The following ZNF723 variants were observed in gnomAD, a reference collection of about 807,000 sequenced individuals.
ZNF723 encodes the protein zinc finger protein 723.
Under a neutral mutation model 9.4 loss-of-function variants are expected in ZNF723, and 5 were observed. That is an observed-to-expected ratio of 0.53 (90% confidence interval 0.28 to 1.12). The LOEUF (loss-of-function observed/expected upper bound fraction) is 1.12. Ranked by LOEUF, ZNF723 falls within the 50% of genes most tolerant of loss-of-function variation. The pLI, the probability that ZNF723 is intolerant of heterozygous loss-of-function variation, is 0.10. For synonymous variants in ZNF723, 158 were observed against 168.8 expected, an observed-to-expected ratio of 0.94 and a Z score of 0.49; for missense variants, 450 against 501.5, an observed-to-expected ratio of 0.90 and a Z score of 0.98.
upstream of ZNF723, among the ~76,000 whole-genome samples, chr19:22,831,923 T>A (rs1303971901): frequency 6.6e-6 from 1 of 151,448 alleles, no homozygotes; most frequent in African/African-American, 2.4e-5. Flanking sequence ...AAAAAAATAA[T>A]AAATAAATAA....
chr19:22,824,124 C>G, the ZNF723 span, among the ~76,000 whole-genome samples: 1 of 152,166 alleles, frequency 6.6e-6, no homozygotes, highest in Non-Finnish European at 1.5e-5. Flanking sequence ...ACTTCTTTTG[C>G]TAAGCCCTGC....
chr19:22,848,214 G>A (rs1281267814), intron 1 of ZNF723, 47 bp from the exon 2 acceptor site: 4 of 684,956 alleles, frequency 5.8e-6, no homozygotes, highest in South Asian at 3.1e-5. Context: ...TCTGCCGTTG[G>A]CCACCCGGTA....
chr19:22,834,778 G>T (rs983403307), intron 1 of ZNF723, among the ~76,000 whole-genome samples: 1 of 152,014 alleles, frequency 6.6e-6, no homozygotes, highest in Non-Finnish European at 1.5e-5. Flanking sequence ...TGCTGGTACT[G>T]AGAGCAAAAC....
intron 1 of ZNF723, chr19:22,840,325 C>T (rs1314127269): frequency 7.0e-6 from 1 of 142,746 alleles, no homozygotes; most frequent in African/African-American, 2.9e-5. Context: ...GCATGCGCCA[C>T]CATGCCTGGC....
intron 3 of ZNF723, among the ~76,000 whole-genome samples, chr19:22,851,059 G>GT (rs1009286310): frequency 6.6e-6 from 1 of 151,912 alleles, no homozygotes; most frequent in African/African-American, 2.4e-5. Context: ...TTTAAGTGTT[G>GT]TTTTTTCTAT....
At chr19:22,814,118 A>G in the ZNF723 span, among the ~76,000 whole-genome samples, 1 of 152,106 alleles carries the variant, frequency 6.6e-6, no homozygotes, top group Admixed American at 6.6e-5. Context: ...GGCCAGCAAA[A>G]CATTTTTAAA....
chr19:22,843,574 T>A (rs2145216468), intron 1 of ZNF723, among the ~76,000 whole-genome samples: 1 of 152,298 alleles, frequency 6.6e-6, no homozygotes, highest in African/African-American at 2.4e-5. Flanking sequence ...ATCCAGGAAC[T>A]TTTAGACTAG....
At chr19:22,838,196 C>T (rs1967191999) in intron 1 of ZNF723, among the ~76,000 whole-genome samples, 1 of 152,168 alleles carries the variant, frequency 6.6e-6, no homozygotes, top group South Asian at 2.1e-4. Flanking sequence ...CCCAGGTAGG[C>T]CTCAGTGTCT....
chr19:22,820,317 G>A, the ZNF723 span, among the ~76,000 whole-genome samples: 80 of 152,284 alleles, frequency 5.3e-4, no homozygotes, highest in African/African-American at 1.9e-3. Context: ...CTTGTTCACA[G>A]GGAGAATTGT....
At chr19:22,851,602 G>A (rs1038797297) in intron 3 of ZNF723, among the ~76,000 whole-genome samples, 2 of 152,148 alleles carry the variant, frequency 1.3e-5, no homozygotes, top group African/African-American at 4.8e-5. Flanking sequence ...CTGGTCTCAA[G>A]TGATCTGACT....
At chr19:22,816,594 C>G in the ZNF723 span, among the ~76,000 whole-genome samples, 1 of 152,236 alleles carries the variant, frequency 6.6e-6, no homozygotes, top group Non-Finnish European at 1.5e-5. Flanking sequence ...GTGACGTATA[C>G]CTCAGCCTAG....
chr19:22,818,802 G>A, the ZNF723 span, among the ~76,000 whole-genome samples: 1 of 152,016 alleles, frequency 6.6e-6, no homozygotes, highest in Admixed American at 6.6e-5. Context: ...GGGGCTTTGT[G>A]ATGTATCACT....
At chr19:22,842,318 G>A (rs1237394626) in intron 1 of ZNF723, among the ~76,000 whole-genome samples, 1 of 151,916 alleles carries the variant, frequency 6.6e-6, no homozygotes, top group Non-Finnish European at 1.5e-5. Context: ...TGAACTAAGA[G>A]TTTTTTTTAA....
At chr19:22,832,783 C>A (rs1002100929) in intron 1 of ZNF723, among the ~76,000 whole-genome samples, 3 of 152,086 alleles carry the variant, frequency 2.0e-5, no homozygotes, top group African/African-American at 7.2e-5. Flanking sequence ...TTATGGGAGT[C>A]ATCGCAAAAA....
At chr19:22,834,294 C>T (rs985409724) in intron 1 of ZNF723, among the ~76,000 whole-genome samples, 1 of 151,574 alleles carries the variant, frequency 6.6e-6, no homozygotes, top group Admixed American at 6.6e-5. Context: ...TAAAGAGATT[C>T]GTTTTCTATT....
chr19:22,852,449 C>T (rs1261149080), intron 3 of ZNF723, among the ~76,000 whole-genome samples: 1 of 151,950 alleles, frequency 6.6e-6, no homozygotes, highest in East Asian at 1.9e-4. Flanking sequence ...GTTTGTTTCC[C>T]TGTATAAATA....
the ZNF723 span, among the ~76,000 whole-genome samples, chr19:22,814,154 C>A: frequency 3.9e-5 from 6 of 152,146 alleles, no homozygotes; most frequent in African/African-American, 1.4e-4. Flanking sequence ...GATGAAGGCT[C>A]TTGTATCTGG....
At chr19:22,819,895 A>C in the ZNF723 span, among the ~76,000 whole-genome samples, 2 of 152,098 alleles carry the variant, frequency 1.3e-5, no homozygotes, top group African/African-American at 2.4e-5. Flanking sequence ...GTATTGTGAC[A>C]TATGTGTGGG....
At chr19:22,822,060 A>G in the ZNF723 span, among the ~76,000 whole-genome samples, 1 of 152,302 alleles carries the variant, frequency 6.6e-6, no homozygotes, top group East Asian at 1.9e-4. Flanking sequence ...CAGTGAGCTG[A>G]TATCATGCCA....
Sources: allele counts gnomAD v4.1 joint callset (sites outside exome capture counted in the v4.1 genomes callset), GRCh38; gene constraint gnomAD v4.1.1; transcripts MANE v1.5; gene names NCBI Gene and HGNC (gene_info 2026-07-23, HGNC 2026-07-21).